The following TDRD9 variants were observed in gnomAD, a reference collection of about 807,000 sequenced individuals.
TDRD9 encodes the protein ATP-dependent RNA helicase TDRD9.
A neutral mutation model predicts 172.6 loss-of-function variants in TDRD9; 124 were observed. The observed-to-expected ratio is 0.72, with a 90% CI of 0.62 to 0.83. The LOEUF is 0.83. Ranked by LOEUF, TDRD9 falls within the 40% of genes least tolerant of loss-of-function variation. The probability of loss-of-function intolerance (pLI) is 0.00; values close to 1 mark genes in which losing one functional copy is unlikely to be tolerated. For synonymous variants in TDRD9, 619 were observed against 617.1 expected, an observed-to-expected ratio of 1.00 and a Z score of -0.05; for missense variants, 1,479 against 1,714.1, an observed-to-expected ratio of 0.86 and a Z score of 2.42.
rs539871091 is a variant in TDRD9, at chr14:103,980,612, G to A, written c.1011+5059G>A. 3.1e-4 allele frequency among the ~76,000 whole-genome samples: 47 copies of A among 152,194 alleles called. No homozygotes were observed. The highest frequency in any genetic ancestry group is 1.0e-3 in the African/African-American group (42 of 41,514). On this transcript the variant is annotated intron_variant, in intron 7 of 35. Transcript: ENST00000409874. This position sits in a 1 kb window ranked among gnomAD's most constrained non-coding sequence, Gnocchi z 4.5. ...GTTAGGCCTCCGGATAACTGCGGGC[G>A]GGCCTAACTGATGTCAAGCCCTCCA...
In TDRD9 at chr14:103,969,383, A is replaced by G. The variant is rs549825643; in HGVS notation, c.766-1158A>G. 1.6e-4 allele frequency among the ~76,000 whole-genome samples: 24 copies of G among 152,270 alleles called. No homozygotes were observed. The South Asian group carries it at 4.8e-3, about 30-fold the overall frequency. The stretch of plus-strand genomic sequence containing the variant: ...GACTGCCACAAGCTGAGGAGAGCTC[A>G]CTTTGGGGCTTTTTGCTGATGATAG... On this transcript the variant is annotated intron_variant, in intron 5 of 35. Transcript: ENST00000409874.
rs529832564 is a variant in TDRD9 at position 103,984,429 on chromosome 14, C to T, written c.1012-1788C>T. On this transcript the variant is annotated intron_variant, in intron 7 of 35. Coordinates refer to ENST00000409874, the MANE Select transcript of TDRD9 (RefSeq NM_153046.3). Reference sequence around the variant, plus strand: ...GGGACTTGGTGCCCTGTGTCCCAGCCGCTCCAGTTATGGCTGAAAGAGGCC... The same window carrying T: ...GGGACTTGGTGCCCTGTGTCCCAGCTGCTCCAGTTATGGCTGAAAGAGGCC... Among the ~76,000 whole-genome samples the T allele has an allele frequency of 7.9e-5, 12 of 152,302 alleles. No individual in the cohort carries two copies. In the East Asian group the frequency reaches 1.5e-3, roughly 20 times the overall value.
chr14:104,014,344 A>G (rs916802403), intron 20 of TDRD9, among the ~76,000 whole-genome samples: 3 of 151,730 alleles, frequency 2.0e-5, no homozygotes, highest in Admixed American at 6.6e-5. Flanking sequence ...CAGTGACACA[A>G]TCTTGGCTCA....
At chr14:103,994,925 T>G (rs1223093260) in intron 11 of TDRD9, among the ~76,000 whole-genome samples, 2 of 149,170 alleles carry the variant, frequency 1.3e-5, no homozygotes, top group African/African-American at 5.0e-5. Context: ...CACTCCAGCC[T>G]GGGTGACAGA....
chr14:103,968,910 C>A (rs1331397987), intron 5 of TDRD9, among the ~76,000 whole-genome samples: 1 of 149,422 alleles, frequency 6.7e-6, no homozygotes, highest in Non-Finnish European at 1.5e-5. Flanking sequence ...ACCATCTTGG[C>A]TAACACGATG....
intron 34 of TDRD9, among the ~76,000 whole-genome samples, chr14:104,049,112 ATGTATGTATGTGTGTGTGTG>A (rs1156364105): frequency 6.0e-5 from 3 of 50,058 alleles, no homozygotes; most frequent in Admixed American, 5.8e-4. Flanking sequence ...GTATGTATGT[ATGTATGTATGTGTGTGTGTG>A]TGTGTGTGTG....
chr14:103,974,119 T>C (rs1321499497), intron 6 of TDRD9, among the ~76,000 whole-genome samples: 1 of 152,176 alleles, frequency 6.6e-6, no homozygotes, highest in African/African-American at 2.4e-5. Flanking sequence ...AGAGGATCAC[T>C]GAAGCCCAGG....
At chr14:104,024,138 CAT>C (rs1183591657) in intron 24 of TDRD9, among the ~76,000 whole-genome samples, 10 of 152,122 alleles carry the variant, frequency 6.6e-5, no homozygotes, top group African/African-American at 2.2e-4. Flanking sequence ...TGTTTTCTAA[CAT>C]AGCATTGAGC....
intron 1 of TDRD9, among the ~76,000 whole-genome samples, chr14:103,935,196 C>T (rs74972541): frequency 0.023 from 3,481 of 152,320 alleles, 77 homozygotes; most frequent in East Asian, 0.071. Context: ...TCTTTCTCCA[C>T]ATCTTGTTGA....
intron 34 of TDRD9, among the ~76,000 whole-genome samples, chr14:104,046,853 C>G (rs9707239): frequency 1.3e-5 from 2 of 152,248 alleles, no homozygotes; most frequent in Non-Finnish European, 1.5e-5. Flanking sequence ...TCACTGTGTT[C>G]GCCAGGATGG....
chr14:103,976,938 C>T (rs959271057), intron 7 of TDRD9, among the ~76,000 whole-genome samples: 4 of 151,600 alleles, frequency 2.6e-5, no homozygotes, highest in Non-Finnish European at 5.9e-5. Flanking sequence ...TTCACTGAAA[C>T]CTTGAAGTCC....
chr14:104,002,422 AG>A (rs2034293262), intron 13 of TDRD9, among the ~76,000 whole-genome samples: 1 of 152,108 alleles, frequency 6.6e-6, no homozygotes, highest in East Asian at 1.9e-4. Flanking sequence ...GAAGAGGTTT[AG>A]AGAGACTCTG....
At chr14:103,994,663 A>G in intron 11 of TDRD9, 60 bp downstream of exon 11, 1 of 1,396,200 alleles carries the variant, frequency 7.2e-7, no homozygotes, top group East Asian at 2.4e-5. Context: ...TAGAGACTCT[A>G]CTCATGAAAA....
chr14:103,998,602 A>C, intron 12 of TDRD9, 22 bp from the exon 13 acceptor site: 1 of 1,269,128 alleles, frequency 7.9e-7, no homozygotes, highest in South Asian at 1.2e-5. Flanking sequence ...TGGTGTTTAC[A>C]GTCCTTTTTT....
intron 23 of TDRD9, among the ~76,000 whole-genome samples, chr14:104,021,326 A>G (rs1041486825): frequency 1.3e-5 from 2 of 152,216 alleles, no homozygotes; most frequent in South Asian, 2.1e-4. Flanking sequence ...AGATTTGGGC[A>G]GGGACACAGA....
intron 8 of TDRD9, among the ~76,000 whole-genome samples, chr14:103,988,694 C>CTTTTTTTTTTTTTTTTTTTTTTT (rs34511631): frequency 7.9e-6 from 1 of 126,852 alleles, no homozygotes; most frequent in Non-Finnish European, 1.7e-5. Context: ...TAGCATTTTA[C>CTTTTTTTTTTTTTTTTTTTTTTT]TTTTTTTTTT....
At position 104,002,317 on chromosome 14, in the gene TDRD9, CAAAAAAAAAAA is replaced by C. The variant is rs200021451; in HGVS notation, c.1484-1911_1484-1901del. Among the ~76,000 whole-genome samples the C allele has an allele frequency of 4.7e-4, 61 of 128,802 alleles. 1 individual carries two copies. The highest frequency in any genetic ancestry group is 1.7e-4 in the Non-Finnish European group (10 of 60,062). The allele number at this position is 128,802 out of a possible 152,430, so 84.5% of individuals were successfully genotyped here. A position where few individuals can be genotyped will look rare whatever the true frequency, so the allele number is the denominator to read the frequency against. ...TGGGTGACAGAGTGAGATGCTGTTTCAAAAAAAAAAAAAAAAAAAAGAAAAAAATTTTAGAC... is the reference window on the plus strand; with the variant it reads ...TGGGTGACAGAGTGAGATGCTGTTTCAAAAAAAAAGAAAAAAATTTTAGAC... On this transcript the variant is annotated intron_variant, in intron 13 of 35. Transcript: ENST00000409874.
intron 9 of TDRD9, among the ~76,000 whole-genome samples, chr14:103,991,445 G>A (rs1488664877): frequency 6.7e-6 from 1 of 150,290 alleles, no homozygotes; most frequent in Non-Finnish European, 1.5e-5. Context: ...ATGGAGTCTT[G>A]CTCTGTTGCT....
Position 103,987,352 on chromosome 14 carries a change from G to A in TDRD9, c.1115+1032G>A, listed in dbSNP as rs79820386. On this transcript the variant is annotated intron_variant, in intron 8 of 35. Transcript: ENST00000409874. ...CTTAGATAGCTCATTTCTTTTTAGCGCTAAATTCCATTGTCTGGATGTACC... is the reference window on the plus strand; with the variant it reads ...CTTAGATAGCTCATTTCTTTTTAGCACTAAATTCCATTGTCTGGATGTACC... Among the ~76,000 whole-genome samples the A allele has an allele frequency of 6.4e-4, 97 of 152,048 alleles. No individual in the cohort carries two copies. In the East Asian group the frequency reaches 0.016, roughly 25 times the overall value.
Sources: allele counts gnomAD v4.1 joint callset (sites outside exome capture counted in the v4.1 genomes callset), GRCh38; gene constraint gnomAD v4.1.1; non-coding constraint Gnocchi (gnomAD v3.1); transcripts MANE v1.5; gene names NCBI Gene and HGNC (gene_info 2026-07-23, HGNC 2026-07-21).